PXT1: variants seen among roughly 807,000 people sequenced by gnomAD.
PXT1 encodes peroxisomal testis enriched protein 1.
Under a neutral mutation model 11.0 loss-of-function variants are expected in PXT1, and 11 were observed. The ratio of observed to expected loss-of-function variants is 1.00; its 90% CI spans 0.63 to 1.66. The LOEUF is 1.66. PXT1 is among the 40% of genes most tolerant of loss of function. The pLI is 0.00. For synonymous variants in PXT1, 43 were observed against 51.4 expected, an observed-to-expected ratio of 0.84 and a Z score of 0.70; for missense variants, 141 against 155.5, an observed-to-expected ratio of 0.91 and a Z score of 0.49.
intron 4 of PXT1, among the ~76,000 whole-genome samples, chr6:36,396,513 G>A (rs1185819114): frequency 2.0e-5 from 3 of 152,202 alleles, no homozygotes; most frequent in African/African-American, 2.4e-5. Flanking sequence ...GCTGAGTCCC[G>A]CATGGCGCCG....
chr6:36,439,757 G>A (rs1463927228), intron 1 of PXT1, among the ~76,000 whole-genome samples: 1 of 151,442 alleles, frequency 6.6e-6, no homozygotes, highest in Non-Finnish European at 1.5e-5. Context: ...CATGGGATAC[G>A]AAGGCCAGAG....
At chr6:36,422,733 TCCA>T (rs2127415722) in intron 3 of PXT1, among the ~76,000 whole-genome samples, 1 of 152,296 alleles carries the variant, frequency 6.6e-6, no homozygotes, top group East Asian at 1.9e-4. Flanking sequence ...AAGCAAAGCT[TCCA>T]AGCACTCTTA....
chr6:36,391,785 G>A lies in PXT1; in HGVS notation c.390C>T (p.Asn130=), dbSNP rs559586825. Residue 130 remains asparagine (N), a synonymous_variant, in exon 5 of 5, where the codon AAC becomes AAT. Transcript: ENST00000454782. ...RVQVLLHFFW[N]NHLL is the part of the protein sequence containing the mutation. ...TACTTTCCTTTTACAGCAAATGGTT[G>A]TTCCAGAAAAAATGCAGCAACACCT... 17 of 1,611,734 alleles carry A rather than the reference G, an allele frequency of 1.1e-5. No homozygotes were observed. The East Asian group carries it at 3.8e-4, about 36-fold the overall frequency.
chr6:36,425,912 AC>A lies in PXT1; in HGVS notation c.169+1del. On this transcript the variant is annotated splice_donor_variant, in intron 3 of 4. Transcript: ENST00000454782. LOFTEE classifies it high-confidence loss of function. ...TATCTTAGTTTAATCCAAATATCTT[AC>A]CTGGGTTCCTTGACATGGCTGGAAC... The A allele has an allele frequency of 6.5e-7, 1 of 1,532,952 alleles. No individual in the cohort carries two copies. The allele number at this position is 1,532,952 out of a possible 1,614,324, so 95.0% of individuals were successfully genotyped here.
chr6:36,433,837 A>AAAAAAAAAAAAAAAAAAAAG (rs10677902), intron 2 of PXT1, among the ~76,000 whole-genome samples: 1 of 132,852 alleles, frequency 7.5e-6, no homozygotes. Context: ...AAAAAAAAAA[A>AAAAAAAAAAAAAAAAAAAAG]AAAGAAAAGA....
At chr6:36,405,645 T>C (rs1344162416) in intron 3 of PXT1, among the ~76,000 whole-genome samples, 13 of 152,184 alleles carry the variant, frequency 8.5e-5, no homozygotes, top group African/African-American at 2.7e-4. Context: ...GTATAGTGTT[T>C]ATAAAATCTA....
chr6:36,432,396 G>A (rs1774705845), intron 2 of PXT1, among the ~76,000 whole-genome samples: 1 of 152,090 alleles, frequency 6.6e-6, no homozygotes, highest in Non-Finnish European at 1.5e-5. Flanking sequence ...TAACAATTGG[G>A]GGGAAATACA....
At chr6:36,412,624 C>T (rs1231026372) in intron 3 of PXT1, among the ~76,000 whole-genome samples, 1 of 150,112 alleles carries the variant, frequency 6.7e-6, no homozygotes, top group African/African-American at 2.5e-5. Context: ...CATGCCACTG[C>T]ACTCCAGCCT....
intron 3 of PXT1, 109 bp downstream of exon 3, chr6:36,425,805 A>AAACAAACAAAAAAAAAAAAT (rs1554154141): frequency 1.9e-5 from 6 of 321,576 alleles, no homozygotes; most frequent in African/African-American, 1.4e-4. Flanking sequence ...AAAAACAAAA[A>AAACAAACAAAAAAAAAAAAT]ATATATATAT....
At chr6:36,441,579 A>G (rs1774865558) in intron 1 of PXT1, among the ~76,000 whole-genome samples, 1 of 152,172 alleles carries the variant, frequency 6.6e-6, no homozygotes, top group African/African-American at 2.4e-5. Flanking sequence ...CTGGGAGGGC[A>G]GAGCCACTGA....
intron 3 of PXT1, among the ~76,000 whole-genome samples, chr6:36,413,428 GAA>G (rs1774403883): frequency 6.2e-5 from 3 of 48,494 alleles, no homozygotes; most frequent in Non-Finnish European, 2.0e-4. Flanking sequence ...AAAAAAATAA[GAA>G]AGAAAGAAAC....
chr6:36,436,434 T>C (rs759729596), intron 2 of PXT1, among the ~76,000 whole-genome samples: 1 of 152,174 alleles, frequency 6.6e-6, no homozygotes, highest in African/African-American at 2.4e-5. Context: ...ATTGATTGAT[T>C]AGAAAATGGG....
At chr6:36,435,435 G>T (rs1415287128) in intron 2 of PXT1, among the ~76,000 whole-genome samples, 1 of 151,778 alleles carries the variant, frequency 6.6e-6, no homozygotes. Flanking sequence ...ATGGTGCTCT[G>T]CTCCTGTAGT....
chr6:36,442,145 C>T (rs1774881389), intron 1 of PXT1, among the ~76,000 whole-genome samples: 1 of 152,130 alleles, frequency 6.6e-6, no homozygotes, highest in Non-Finnish European at 1.5e-5. Flanking sequence ...TCTCCTGCCT[C>T]AGCCTCCCAA....
In PXT1 at chr6:36,425,941, G is replaced by A; in HGVS notation, c.142C>T (p.Pro48Ser). 2 of 1,535,080 alleles carry A rather than the reference G, an allele frequency of 1.3e-6. No individual in the cohort carries two copies. Among genetic ancestry groups the A allele is most frequent in the African/African-American group, 1.4e-5 (1 of 73,016 alleles). Residue 48 changes from proline (P) to serine (S), a missense_variant, in exon 3 of 5, where the codon CCA becomes TCA. Transcript: ENST00000454782. ...AYMTQLVSSQ[P>S]VPAMSRNPDH... Reference sequence around the variant, plus strand: ...GGGTTCCTTGACATGGCTGGAACTGGCTGGGAGCTGACAAGTTGGGTCATG... The same window carrying A: ...GGGTTCCTTGACATGGCTGGAACTGACTGGGAGCTGACAAGTTGGGTCATG...
At chr6:36,400,339 G>T in intron 4 of PXT1, 115 bp downstream of exon 4, 1 of 1,260,444 alleles carries the variant, frequency 7.9e-7, no homozygotes, top group Non-Finnish European at 1.1e-6. Context: ...AATCCAGACA[G>T]CATTATTCCA....
intron 2 of PXT1, among the ~76,000 whole-genome samples, chr6:36,428,746 CTTT>C (rs59081249): frequency 7.5e-5 from 11 of 146,528 alleles, no homozygotes; most frequent in African/African-American, 2.5e-4. Context: ...TCATCTAAAA[CTTT>C]TTTTTTTTTT....
chr6:36,392,862 T>A (rs1264804741), intron 4 of PXT1, among the ~76,000 whole-genome samples: 3 of 152,134 alleles, frequency 2.0e-5, no homozygotes, highest in African/African-American at 4.8e-5. Flanking sequence ...ACTGTTGAAA[T>A]GCGGCTTCTC....
chr6:36,409,951 G>GAAAGAA (rs1774344125), intron 3 of PXT1, among the ~76,000 whole-genome samples: 1 of 58,892 alleles, frequency 1.7e-5, no homozygotes, highest in African/African-American at 1.1e-4. Context: ...GAAAGAAAGA[G>GAAAGAA]AAAGGAAGAA....
Sources: allele counts gnomAD v4.1 joint callset (sites outside exome capture counted in the v4.1 genomes callset), GRCh38; gene constraint gnomAD v4.1.1; transcripts MANE v1.5; gene names NCBI Gene and HGNC (gene_info 2026-07-23, HGNC 2026-07-21).